The following CAMK1D variants were observed in gnomAD, a reference collection of about 807,000 sequenced individuals.
CAMK1D encodes calcium/calmodulin dependent protein kinase ID, also known as calcium/calmodulin-dependent protein kinase type 1D.
Under a neutral mutation model 47.7 loss-of-function variants are expected in CAMK1D, and 9 were observed. That is an observed-to-expected ratio of 0.19 (90% CI 0.11 to 0.33). The LOEUF is 0.33. CAMK1D is among the 10% of genes least tolerant of loss of function. The probability of loss-of-function intolerance (pLI) is 1.00; values close to 1 mark genes in which losing one functional copy is unlikely to be tolerated. For missense variants in CAMK1D, 291 were observed against 488.7 expected (o/e 0.60, Z 3.81); for synonymous variants, 184 against 184.9 (o/e 0.99, Z 0.04).
At chr10:12,792,966 ACACACACACACACACACGCACG>A (rs1838047181) in intron 6 of CAMK1D, among the ~76,000 whole-genome samples, 2 of 47,400 alleles carry the variant, frequency 4.2e-5, no homozygotes, top group African/African-American at 3.0e-4. Context: ...GCGCGCACAC[ACACACACACACACACACGCACG>A]CACACAATTT....
intron 2 of CAMK1D, among the ~76,000 whole-genome samples, chr10:12,604,385 A>T (rs542150900): frequency 1.3e-5 from 2 of 152,316 alleles, no homozygotes; most frequent in African/African-American, 4.8e-5. Flanking sequence ...GTTAATAAGG[A>T]ATCAGATAAA....
At chr10:12,814,555 A>G (rs571111372) in intron 7 of CAMK1D, among the ~76,000 whole-genome samples, 28 of 152,260 alleles carry the variant, frequency 1.8e-4, no homozygotes, top group South Asian at 4.1e-4. Flanking sequence ...GTGAGGGCCC[A>G]CTTTCTGGTT....
intron 3 of CAMK1D, among the ~76,000 whole-genome samples, chr10:12,740,308 C>T (rs549880279): frequency 3.3e-5 from 5 of 152,194 alleles, no homozygotes; most frequent in South Asian, 4.2e-4. Flanking sequence ...GATCAGAAAC[C>T]GGGAGATGGG....
intron 10 of CAMK1D, among the ~76,000 whole-genome samples, chr10:12,828,527 G>A (rs1431458652): frequency 6.6e-6 from 1 of 152,070 alleles, no homozygotes; most frequent in African/African-American, 2.4e-5. Flanking sequence ...TGTAATCCCA[G>A]CTACTCGGGA....
intron 6 of CAMK1D, among the ~76,000 whole-genome samples, chr10:12,813,840 A>C (rs1832699556): frequency 6.6e-6 from 1 of 151,632 alleles, no homozygotes; most frequent in South Asian, 2.1e-4. Flanking sequence ...GGCTCACTGG[A>C]ACCTCCACCT....
intron 2 of CAMK1D, among the ~76,000 whole-genome samples, chr10:12,649,683 T>A (rs376310680): frequency 1.3e-5 from 2 of 152,050 alleles, no homozygotes; most frequent in Non-Finnish European, 2.9e-5. Flanking sequence ...CAAAAAAAAA[T>A]GTTGGTGAAA....
intron 3 of CAMK1D, among the ~76,000 whole-genome samples, chr10:12,702,933 A>G (rs1444773539): frequency 6.6e-6 from 1 of 152,240 alleles, no homozygotes; most frequent in Non-Finnish European, 1.5e-5. Context: ...TCAGATTATA[A>G]TGCCAGTAAC....
At chr10:12,436,749 A>G (rs1832644821) in intron 1 of CAMK1D, among the ~76,000 whole-genome samples, 1 of 152,100 alleles carries the variant, frequency 6.6e-6, no homozygotes, top group South Asian at 2.1e-4. Flanking sequence ...CCAACGGGTG[A>G]TCTCAGTGTG....
intron 5 of CAMK1D, among the ~76,000 whole-genome samples, chr10:12,788,983 G>C (rs1413693219): frequency 1.3e-5 from 2 of 152,230 alleles, no homozygotes; most frequent in African/African-American, 4.8e-5. Flanking sequence ...GATTATCTGT[G>C]GAGTGCATCC....
chr10:12,368,907 T>C (rs1396101335), intron 1 of CAMK1D, among the ~76,000 whole-genome samples: 1 of 152,190 alleles, frequency 6.6e-6, no homozygotes, highest in Non-Finnish European at 1.5e-5. Flanking sequence ...AACCTCTGTC[T>C]CCTGAGTTCA....
At chr10:12,544,663 CAT>C (rs1836301572) in intron 1 of CAMK1D, among the ~76,000 whole-genome samples, 3 of 152,196 alleles carry the variant, frequency 2.0e-5, no homozygotes, top group Admixed American at 2.0e-4. Context: ...CTTAAAGAAA[CAT>C]ATTACGGAGG....
At chr10:12,803,431 C>T (rs1262604819) in intron 6 of CAMK1D, among the ~76,000 whole-genome samples, 3 of 152,182 alleles carry the variant, frequency 2.0e-5, no homozygotes, top group African/African-American at 7.2e-5. Flanking sequence ...CCTGTAATCC[C>T]AGCACTTTGG....
At chr10:12,483,777 C>G (rs976067199) in intron 1 of CAMK1D, among the ~76,000 whole-genome samples, 1 of 152,112 alleles carries the variant, frequency 6.6e-6, no homozygotes, top group African/African-American at 2.4e-5. Flanking sequence ...ACCGCCGCCT[C>G]CCAGGTTCAA....
intron 3 of CAMK1D, among the ~76,000 whole-genome samples, chr10:12,669,240 CAAAA>C (rs1564479310): frequency 6.6e-6 from 1 of 151,160 alleles, no homozygotes; most frequent in Non-Finnish European, 1.5e-5. Flanking sequence ...TCGAAACAAA[CAAAA>C]AAACCCCACA....
At chr10:12,611,349 C>T (rs1326704395) in intron 2 of CAMK1D, among the ~76,000 whole-genome samples, 2 of 152,086 alleles carry the variant, frequency 1.3e-5, no homozygotes, top group South Asian at 2.1e-4. Context: ...TGCCCCCTTC[C>T]GTGCTGACAT....
At chr10:12,401,603 C>T (rs937081197) in intron 1 of CAMK1D, among the ~76,000 whole-genome samples, 64 of 151,382 alleles carry the variant, frequency 4.2e-4, no homozygotes, top group Non-Finnish European at 2.2e-4. Context: ...GGGAGGCTCC[C>T]ACAAGGAGCC....
chr10:12,437,475 G>C (rs12414517), intron 1 of CAMK1D, among the ~76,000 whole-genome samples: 8,388 of 152,270 alleles, frequency 0.055, 314 homozygotes, highest in East Asian at 0.14. Context: ...GATTACAGGC[G>C]TGAGCTACCG....
chr10:12,634,265 C>T (rs1218805249), intron 2 of CAMK1D, among the ~76,000 whole-genome samples: 2 of 152,176 alleles, frequency 1.3e-5, no homozygotes, highest in African/African-American at 4.8e-5. Flanking sequence ...TCACGCTGCA[C>T]AGTATGGAGT....
intron 2 of CAMK1D, among the ~76,000 whole-genome samples, chr10:12,619,573 C>T (rs534967237): frequency 1.3e-5 from 2 of 152,230 alleles, no homozygotes; most frequent in South Asian, 4.1e-4. Flanking sequence ...TAGGTGTATG[C>T]TACCATCCCC....
Sources: allele counts gnomAD v4.1 joint callset (sites outside exome capture counted in the v4.1 genomes callset), GRCh38; gene constraint gnomAD v4.1.1; transcripts MANE v1.5; gene names NCBI Gene and HGNC (gene_info 2026-07-23, HGNC 2026-07-21).